TMPRSS11D: variants seen among roughly 807,000 people sequenced by gnomAD.
TMPRSS11D encodes transmembrane serine protease 11D.
In TMPRSS11D, 32 loss-of-function variants were observed where a neutral mutation model predicts 44.4. That is an observed-to-expected ratio of 0.72 (90% CI 0.54 to 0.97). The LOEUF (loss-of-function observed/expected upper bound fraction) is 0.97. Among genes scored for constraint, TMPRSS11D ranks in the 50% least tolerant of loss-of-function variants. The pLI is 0.00. For missense variants in TMPRSS11D, 446 were observed against 502.6 expected (o/e 0.89, Z 1.08); for synonymous variants, 179 against 177.9 (o/e 1.01, Z -0.05).
chr4:67,871,136 A>T (rs542058262), intron 1 of TMPRSS11D, among the ~76,000 whole-genome samples: 1 of 102,332 alleles, frequency 9.8e-6, no homozygotes. Context: ...TGAAAAGTCT[A>T]TAAAGGAAGG....
At chr4:67,842,663 A>C in intron 3 of TMPRSS11D, 38 bp from the exon 4 acceptor site, 5 of 1,552,164 alleles carry the variant, frequency 3.2e-6, no homozygotes, top group Non-Finnish European at 4.4e-6. Flanking sequence ...CTCTGTAAAT[A>C]CAGTTCTTCT....
chr4:67,836,003 C>G (rs1444825018), intron 5 of TMPRSS11D, among the ~76,000 whole-genome samples: 1 of 152,142 alleles, frequency 6.6e-6, no homozygotes, highest in Non-Finnish European at 1.5e-5. Context: ...ATCTCAAACT[C>G]AGTGGGACCC....
chr4:67,827,305 C>T lies in TMPRSS11D; in HGVS notation c.908G>A (p.Gly303Asp), dbSNP rs746686509. 1 of 1,612,844 alleles carries T rather than the reference C, an allele frequency of 6.2e-7. No individual in the cohort carries two copies. The highest frequency in any genetic ancestry group is 2.2e-5 in the East Asian group (1 of 44,824). ...LPAATQNIPP[G>D]STAYVTGWGA... is the part of the protein sequence containing the mutation. The stretch of plus-strand genomic sequence containing the variant: ...CCATCCTGTTACATAAGCAGTAGAG[C>T]CAGGTGGAATATTCTGGGTAGCAGC... Residue 303 changes from glycine (G) to aspartate (D), a missense_variant, in exon 8 of 10, where the codon GGC (glycine) becomes GAC (aspartate). Transcript: ENST00000283916.
chr4:67,859,757 T>C, intron 1 of TMPRSS11D, 79 bp from the exon 2 acceptor site: 1 of 1,561,310 alleles, frequency 6.4e-7, no homozygotes, highest in Non-Finnish European at 8.7e-7. Context: ...GATTGTCTTC[T>C]GTCTTTCCCG....
intron 3 of TMPRSS11D, among the ~76,000 whole-genome samples, chr4:67,849,217 G>C (rs1178522935): frequency 6.6e-6 from 1 of 152,142 alleles, no homozygotes; most frequent in Admixed American, 6.5e-5. Flanking sequence ...ATAGGGATAG[G>C]TATTGTTGGT....
Position 67,822,406 on chromosome 4 carries a change from C to T in TMPRSS11D, c.1188G>A (p.Pro396=), listed in dbSNP as rs768727923. Residue 396 remains proline, a synonymous_variant, in exon 10 of 10, where the codon CCG becomes CCA. Coordinates refer to ENST00000283916, the MANE Select transcript of TMPRSS11D (RefSeq NM_004262.3). ...CTCGAGTATACACTCCTGGCTTATC[C>T]GGCAGGCCACACTGATCTCCCCAGC... is the stretch of plus-strand genomic sequence containing the variant. ...IVSWGDQCGL[P]DKPGVYTRVT... is the part of the protein sequence containing the mutation. The T allele has an allele frequency of 9.3e-6, 15 of 1,613,858 alleles. No homozygotes were observed. The highest frequency in any genetic ancestry group is 4.5e-5 in the East Asian group (2 of 44,860).
chr4:67,868,605 T>C (rs1244246392), intron 1 of TMPRSS11D, among the ~76,000 whole-genome samples: 1 of 152,160 alleles, frequency 6.6e-6, no homozygotes, highest in African/African-American at 2.4e-5. Context: ...GAAAAGTAGT[T>C]GGCCCAGTGT....
intron 1 of TMPRSS11D, among the ~76,000 whole-genome samples, chr4:67,862,849 T>C (rs913250601): frequency 6.6e-6 from 1 of 151,810 alleles, no homozygotes; most frequent in Non-Finnish European, 1.5e-5. Flanking sequence ...TAGGTGGGAA[T>C]TGAACAATGA....
intron 4 of TMPRSS11D, among the ~76,000 whole-genome samples, 161 bp from the exon 5 acceptor site, chr4:67,838,490 C>T (rs927383394): frequency 6.6e-6 from 1 of 152,068 alleles, no homozygotes; most frequent in Non-Finnish European, 1.5e-5. Flanking sequence ...TACTATATCA[C>T]GATGCTATCT....
At chr4:67,858,679 C>G (rs1718717406) in intron 2 of TMPRSS11D, among the ~76,000 whole-genome samples, 1 of 152,172 alleles carries the variant, frequency 6.6e-6, no homozygotes, top group Admixed American at 6.5e-5. Flanking sequence ...CCCATGTACA[C>G]ACCTGCACAC....
At chr4:67,842,444 C>T (rs1046572629) in intron 4 of TMPRSS11D, 114 bp downstream of exon 4, 2 of 980,840 alleles carry the variant, frequency 2.0e-6, no homozygotes, top group African/African-American at 3.3e-5. Context: ...ATACTATTTT[C>T]ATAATATTAC....
At chr4:67,870,229 A>G (rs1719023187) in intron 1 of TMPRSS11D, among the ~76,000 whole-genome samples, 1 of 152,194 alleles carries the variant, frequency 6.6e-6, no homozygotes, top group African/African-American at 2.4e-5. Flanking sequence ...ATTTCTTGGT[A>G]CTGCATCAAG....
At chr4:67,835,660 A>T (rs886872363) in intron 5 of TMPRSS11D, among the ~76,000 whole-genome samples, 1 of 152,208 alleles carries the variant, frequency 6.6e-6, no homozygotes, top group Non-Finnish European at 1.5e-5. Flanking sequence ...AAGTAGAGAA[A>T]AGAAAAAAGA....
intron 3 of TMPRSS11D, among the ~76,000 whole-genome samples, chr4:67,843,724 C>G (rs1289765095): frequency 6.6e-6 from 1 of 151,952 alleles, no homozygotes; most frequent in Non-Finnish European, 1.5e-5. Flanking sequence ...GAGATCGAGA[C>G]CATCCTGGCT....
intron 9 of TMPRSS11D, among the ~76,000 whole-genome samples, chr4:67,822,734 C>T (rs10518044): frequency 0.11 from 16,872 of 152,222 alleles, 1,201 homozygotes; most frequent in East Asian, 0.32. Flanking sequence ...AGATTTCCCT[C>T]AGTCACCGAG....
At chr4:67,833,707 C>A (rs765960843) in intron 6 of TMPRSS11D, 4 of 187,966 alleles carry the variant, frequency 2.1e-5, no homozygotes, top group Non-Finnish European at 4.3e-5. Flanking sequence ...GCCACAGACT[C>A]CTGGGAAATT....
rs1477241253 is a variant in TMPRSS11D, at chr4:67,836,210, A to T, written c.476-1089T>A. Among the ~76,000 whole-genome samples the T allele has an allele frequency of 2.0e-5, 3 of 152,080 alleles. No individual in the cohort carries two copies. The East Asian group carries it at 5.8e-4, about 29-fold the overall frequency. On this transcript the variant is annotated intron_variant, in intron 5 of 9. Coordinates refer to ENST00000283916, the MANE Select transcript of TMPRSS11D (RefSeq NM_004262.3). ...TTAGTTCATGGTTTCATCATTTGAC[A>T]TCAGTACAGTTACAATAATTTTCTA...
At chr4:67,853,678 G>A (rs1443256378) in intron 3 of TMPRSS11D, among the ~76,000 whole-genome samples, 1 of 152,180 alleles carries the variant, frequency 6.6e-6, no homozygotes, top group Non-Finnish European at 1.5e-5. Context: ...TGTTACTGCT[G>A]ATATGGTAAA....
At chr4:67,853,736 G>C (rs1002228171) in intron 3 of TMPRSS11D, among the ~76,000 whole-genome samples, 1 of 152,214 alleles carries the variant, frequency 6.6e-6, no homozygotes, top group Non-Finnish European at 1.5e-5. Flanking sequence ...GGATAAGGAA[G>C]AGGGAAGAAG....
Sources: allele counts gnomAD v4.1 joint callset (sites outside exome capture counted in the v4.1 genomes callset), GRCh38; gene constraint gnomAD v4.1.1; transcripts MANE v1.5; gene names NCBI Gene and HGNC (gene_info 2026-07-23, HGNC 2026-07-21).